KCNN2: variants seen among roughly 807,000 people sequenced by gnomAD.
KCNN2 encodes potassium calcium-activated channel subfamily N member 2.
In KCNN2, 24 loss-of-function variants were observed where a neutral mutation model predicts 55.5. That is an observed-to-expected ratio of 0.43 (90% CI 0.31 to 0.61). The LOEUF (loss-of-function observed/expected upper bound fraction) is 0.61. Ranked by LOEUF, KCNN2 falls within the 20% of genes least tolerant of loss-of-function variation. The pLI, the probability that KCNN2 is intolerant of heterozygous loss-of-function variation, is 0.08. For synonymous variants in KCNN2, 431 were observed against 336.1 expected, an observed-to-expected ratio of 1.28 and a Z score of -3.09; for missense variants, 754 against 853.6, an observed-to-expected ratio of 0.88 and a Z score of 1.45.
chr5:114,476,018 TTC>T (rs1208430780), intron 5 of KCNN2, among the ~76,000 whole-genome samples: 1 of 152,188 alleles, frequency 6.6e-6, no homozygotes. Flanking sequence ...GCTTTAATAA[TTC>T]TGTTATTTCA....
At chr5:114,477,575 T>A (rs2150128593) in intron 5 of KCNN2, among the ~76,000 whole-genome samples, 1 of 152,310 alleles carries the variant, frequency 6.6e-6, no homozygotes, top group South Asian at 2.1e-4. Context: ...ACCATTACCT[T>A]GTCTCCTAGT....
At chr5:114,439,917 A>G (rs1469091769) in intron 3 of KCNN2, among the ~76,000 whole-genome samples, 1 of 152,146 alleles carries the variant, frequency 6.6e-6, no homozygotes, top group East Asian at 1.9e-4. Flanking sequence ...ATACTATGAC[A>G]AGTTCAGAAA....
intron 1 of KCNN2, among the ~76,000 whole-genome samples, chr5:114,094,836 C>T (rs1751223863): frequency 6.6e-6 from 1 of 152,072 alleles, no homozygotes; most frequent in Admixed American, 6.6e-5. Context: ...TTAGGGTCCT[C>T]ATTATTGACT....
intron 1 of KCNN2, among the ~76,000 whole-genome samples, chr5:114,111,371 G>T (rs1423332323): frequency 1.3e-5 from 2 of 151,958 alleles, no homozygotes; most frequent in African/African-American, 4.8e-5. Context: ...CTAAAACCAT[G>T]AAAACCCTAG....
intron 1 of KCNN2, among the ~76,000 whole-genome samples, chr5:114,110,875 T>C (rs1341094898): frequency 2.0e-5 from 3 of 152,092 alleles, no homozygotes; most frequent in African/African-American, 4.8e-5. Flanking sequence ...CTACTGTTGC[T>C]ATGAACTGTG....
chr5:114,257,278 A>G (rs1337924238), intron 2 of KCNN2, among the ~76,000 whole-genome samples: 1 of 152,062 alleles, frequency 6.6e-6, no homozygotes, highest in Non-Finnish European at 1.5e-5. Flanking sequence ...GTATAATTTG[A>G]AGTCAGGTAA....
rs1350156773 is a variant in KCNN2 at position 114,184,343 on chromosome 5, G to C, written c.-270-37137G>C. ...AAAAATATTATCAGATTGGCAGCAA[G>C]GTTGATAAATTCCTGGCAGTGTTGG... On this transcript the variant is annotated intron_variant, in intron 1 of 10. Transcript: ENST00000512097. 2.6e-5 allele frequency among the ~76,000 whole-genome samples: 4 copies of C among 152,060 alleles called. No homozygotes were observed. The East Asian group carries it at 7.7e-4, about 29-fold the overall frequency.
chr5:114,276,547 C>G (rs995732734), intron 2 of KCNN2, among the ~76,000 whole-genome samples: 2 of 151,960 alleles, frequency 1.3e-5, no homozygotes. Context: ...GGATAGTTAG[C>G]TCTTTTTGTT....
At chr5:114,281,237 T>G (rs1561553325) in intron 2 of KCNN2, among the ~76,000 whole-genome samples, 1 of 152,176 alleles carries the variant, frequency 6.6e-6, no homozygotes, top group Admixed American at 6.6e-5. Flanking sequence ...CTTTGAGTGT[T>G]TGTTTGTATT....
At chr5:114,384,602 C>A (rs2150059268) in intron 2 of KCNN2, among the ~76,000 whole-genome samples, 1 of 152,274 alleles carries the variant, frequency 6.6e-6, no homozygotes, top group Middle Eastern at 3.4e-3. Flanking sequence ...AGATATTCGA[C>A]CAAATTAAGT....
intron 2 of KCNN2, among the ~76,000 whole-genome samples, chr5:114,279,965 T>C (rs1394029968): frequency 5.3e-5 from 8 of 152,160 alleles, no homozygotes; most frequent in Non-Finnish European, 1.0e-4. Context: ...GCACCTGTTG[T>C]TTCCTGACTT....
chr5:114,083,685 C>A (rs1229416133), intron 1 of KCNN2, among the ~76,000 whole-genome samples: 1 of 151,894 alleles, frequency 6.6e-6, no homozygotes, highest in Non-Finnish European at 1.5e-5. Flanking sequence ...AGTATTGATA[C>A]ATATTGTTAA....
chr5:114,096,531 C>T (rs1472339498), intron 1 of KCNN2, among the ~76,000 whole-genome samples: 2 of 152,074 alleles, frequency 1.3e-5, no homozygotes, highest in Non-Finnish European at 2.9e-5. Context: ...TATCATTCTC[C>T]TCTCCTGTCT....
intron 2 of KCNN2, among the ~76,000 whole-genome samples, chr5:114,341,560 CT>C (rs775503292): frequency 5.3e-4 from 81 of 152,072 alleles, no homozygotes; most frequent in South Asian, 1.5e-3. Flanking sequence ...ATGTTGATGT[CT>C]GCTATGATTG....
intron 4 of KCNN2, among the ~76,000 whole-genome samples, chr5:114,466,354 T>C (rs1274126720): frequency 3.3e-5 from 5 of 152,158 alleles, no homozygotes; most frequent in Non-Finnish European, 7.3e-5. Context: ...GCAAGTAATA[T>C]GGTTAGATCA....
intron 1 of KCNN2, among the ~76,000 whole-genome samples, chr5:114,181,956 G>A (rs1321549356): frequency 6.6e-6 from 1 of 152,178 alleles, no homozygotes; most frequent in East Asian, 1.9e-4. Flanking sequence ...GGAGATTGCA[G>A]TGAGCAGAGA....
chr5:114,177,339 G>A (rs1561510673), intron 1 of KCNN2, among the ~76,000 whole-genome samples: 4 of 151,928 alleles, frequency 2.6e-5, no homozygotes, highest in Admixed American at 6.6e-5. Context: ...GGGTTTCACC[G>A]TGTTAGCCAG....
intron 2 of KCNN2, among the ~76,000 whole-genome samples, chr5:114,316,089 C>T (rs752334201): frequency 9.3e-4 from 141 of 152,290 alleles, no homozygotes; most frequent in Non-Finnish European, 1.6e-3. Context: ...ATATTCATCA[C>T]ACACGCATAT....
At chr5:114,070,482 T>G (rs1203678591) in intron 1 of KCNN2, among the ~76,000 whole-genome samples, 2 of 152,224 alleles carry the variant, frequency 1.3e-5, no homozygotes, top group East Asian at 1.9e-4. Context: ...ACATCTCCTC[T>G]GAAAAAGCTT....
Sources: gnomAD v4.1 joint callset for allele counts (sites outside exome capture counted in the v4.1 genomes callset) on GRCh38, gnomAD v4.1.1 for gene constraint, MANE v1.5 for transcripts, NCBI Gene and HGNC (gene_info 2026-07-23, HGNC 2026-07-21) for gene names.